SGCD: variants seen among roughly 807,000 people sequenced by gnomAD.
SGCD encodes the protein sarcoglycan delta, also known as delta-sarcoglycan.
SGCD carries 18 observed loss-of-function variants against 36.6 expected under a neutral mutation model. The observed-to-expected ratio is 0.49, with a 90% confidence interval of 0.34 to 0.73. The LOEUF is 0.73. SGCD is among the 30% of genes least tolerant of loss of function. The probability of loss-of-function intolerance (pLI) is 0.01; values close to 1 mark genes in which losing one functional copy is unlikely to be tolerated. For missense variants in SGCD, 387 were observed against 346.7 expected, an observed-to-expected ratio of 1.12 and a Z score of -0.92; for synonymous variants, 133 against 130.6, an observed-to-expected ratio of 1.02 and a Z score of -0.12.
At chr5:155,852,695 G>A in the SGCD span, among the ~76,000 whole-genome samples, 3 of 152,144 alleles carry the variant, frequency 2.0e-5, no homozygotes, top group Non-Finnish European at 1.5e-5. Flanking sequence ...AAAAGTGAAG[G>A]AGAAAGAAAT....
At chr5:156,356,767 A>G (rs985613057) in intron 3 of SGCD, among the ~76,000 whole-genome samples, 1 of 152,142 alleles carries the variant, frequency 6.6e-6, no homozygotes, top group African/African-American at 2.4e-5. Context: ...TGAGATGAGG[A>G]GATAATTCCT....
At chr5:156,273,570 A>G (rs1160836780) in intron 3 of SGCD, among the ~76,000 whole-genome samples, 1 of 152,180 alleles carries the variant, frequency 6.6e-6, no homozygotes, top group Non-Finnish European at 1.5e-5. Context: ...GCCTGAGCTA[A>G]ATTTATTTCT....
chr5:155,916,418 G>T (rs1756742808), intron 1 of SGCD, among the ~76,000 whole-genome samples: 1 of 152,020 alleles, frequency 6.6e-6, no homozygotes. Context: ...TTTGACATGA[G>T]GTCTCTAATC....
intron 3 of SGCD, among the ~76,000 whole-genome samples, chr5:156,464,286 T>C (rs1754627383): frequency 1.3e-5 from 2 of 149,316 alleles, no homozygotes; most frequent in Non-Finnish European, 3.0e-5. Context: ...AATGGTGTGA[T>C]CTCAGCTTAC....
intron 7 of SGCD, among the ~76,000 whole-genome samples, chr5:156,725,086 G>C (rs1755705714): frequency 6.6e-6 from 1 of 152,220 alleles, no homozygotes; most frequent in Non-Finnish European, 1.5e-5. Context: ...TTCTGTAAGA[G>C]GGTCAGACTT....
At chr5:156,317,725 C>A (rs1767555513) in intron 3 of SGCD, among the ~76,000 whole-genome samples, 1 of 152,138 alleles carries the variant, frequency 6.6e-6, no homozygotes, top group Non-Finnish European at 1.5e-5. Context: ...CATGTCACTA[C>A]AAAATGATGT....
At chr5:155,796,708 A>G in the SGCD span, among the ~76,000 whole-genome samples, 1 of 146,616 alleles carries the variant, frequency 6.8e-6, no homozygotes, top group African/African-American at 2.5e-5. Context: ...TGGGAGGCTG[A>G]GGCAGGGGAA....
the SGCD span, among the ~76,000 whole-genome samples, chr5:155,857,135 G>C: frequency 2.0e-4 from 30 of 152,182 alleles, no homozygotes; most frequent in Non-Finnish European, 7.3e-5. Flanking sequence ...TACTTGGAAG[G>C]CTGAGGCAGG....
intron 1 of SGCD, among the ~76,000 whole-genome samples, chr5:156,034,686 A>C (rs1430948173): frequency 6.6e-6 from 1 of 152,190 alleles, no homozygotes; most frequent in African/African-American, 2.4e-5. Context: ...GTTCAAGGCA[A>C]GTCAGAATCA....
intron 3 of SGCD, among the ~76,000 whole-genome samples, chr5:156,417,647 C>G (rs2127774965): frequency 6.6e-6 from 1 of 152,226 alleles, no homozygotes; most frequent in East Asian, 1.9e-4. Flanking sequence ...AGACGGAGCA[C>G]TGGTGTCTTT....
intron 3 of SGCD, among the ~76,000 whole-genome samples, chr5:156,139,100 G>A (rs545360947): frequency 4.4e-4 from 67 of 152,170 alleles, no homozygotes; most frequent in African/African-American, 1.3e-3. Flanking sequence ...TATATATAGC[G>A]TAGATATATT....
At chr5:155,938,596 G>A (rs896986278) in intron 1 of SGCD, among the ~76,000 whole-genome samples, 5 of 152,156 alleles carry the variant, frequency 3.3e-5, no homozygotes, top group Non-Finnish European at 5.9e-5. Context: ...TTATCAAAGT[G>A]CTAATACTAT....
At chr5:156,709,011 AAG>A (rs1754866363) in intron 7 of SGCD, among the ~76,000 whole-genome samples, 1 of 151,654 alleles carries the variant, frequency 6.6e-6, no homozygotes, top group Non-Finnish European at 1.5e-5. Flanking sequence ...ATCAGCTAAT[AAG>A]AGCCTAGAGT....
At position 156,016,302 on chromosome 5, in the gene SGCD, G is replaced by T. The variant is rs759210082; in HGVS notation, c.-281-101576G>T. On this transcript the variant is annotated intron_variant, in intron 1 of 9. Coordinates refer to the SGCD transcript ENST00000517913. The stretch of plus-strand genomic sequence containing the variant: ...TTGTGTTTAAAAGTGGGTTTGTTTC[G>T]CTCCCTTCAGTGTTGTTAGTCATTT... 2.0e-5 allele frequency among the ~76,000 whole-genome samples: 3 copies of T among 151,796 alleles called. No individual in the cohort carries two copies. The South Asian group carries it at 6.2e-4, about 32-fold the overall frequency.
chr5:156,213,637 A>C (rs1404342727), intron 3 of SGCD, among the ~76,000 whole-genome samples: 3 of 152,080 alleles, frequency 2.0e-5, no homozygotes, highest in African/African-American at 7.2e-5. Context: ...TTACCGTGAT[A>C]TTAAAACCAG....
chr5:155,729,186 T>C, the SGCD span, among the ~76,000 whole-genome samples: 1 of 152,224 alleles, frequency 6.6e-6, no homozygotes, highest in Admixed American at 6.5e-5. Flanking sequence ...GGGAGTCCCC[T>C]TCCGCTTCCT....
intron 3 of SGCD, among the ~76,000 whole-genome samples, chr5:156,320,097 ATGTGTGTGTGTGTG>A (rs10535885): frequency 6.8e-5 from 10 of 146,194 alleles, no homozygotes; most frequent in South Asian, 2.2e-4. Flanking sequence ...AGCCTTTGAT[ATGTGTGTGTGTGTG>A]TGTGTGTGTG....
intron 3 of SGCD, among the ~76,000 whole-genome samples, chr5:156,445,539 T>C (rs899528622): frequency 6.6e-6 from 1 of 152,166 alleles, no homozygotes; most frequent in African/African-American, 2.4e-5. Flanking sequence ...GTGTTCATGA[T>C]TGAGAATGAG....
intron 3 of SGCD, among the ~76,000 whole-genome samples, chr5:156,369,759 T>A (rs1163463132): frequency 6.6e-6 from 1 of 152,216 alleles, no homozygotes; most frequent in African/African-American, 2.4e-5. Flanking sequence ...TGTGGGATTT[T>A]TTTAATAGAC....
Sources: gnomAD v4.1 joint callset for allele counts (sites outside exome capture counted in the v4.1 genomes callset) on GRCh38, gnomAD v4.1.1 for gene constraint, MANE v1.5 for transcripts, NCBI Gene and HGNC (gene_info 2026-07-23, HGNC 2026-07-21) for gene names.